The following ATP7A variants were observed in gnomAD, a reference collection of about 807,000 sequenced individuals.
ATP7A encodes the protein ATPase copper transporting alpha.
Under a neutral mutation model 83.5 loss-of-function variants are expected in ATP7A, and 7 were observed. The observed-to-expected ratio is 0.08, with a 90% CI of 0.05 to 0.16. The LOEUF is 0.16. Ranked by LOEUF, ATP7A falls within the 10% of genes least tolerant of loss-of-function variation. The probability of loss-of-function intolerance (pLI) is 1.00; values close to 1 mark genes in which losing one functional copy is unlikely to be tolerated. For missense variants in ATP7A, 940 were observed against 1,120.8 expected, an observed-to-expected ratio of 0.84 and a Z score of 2.30; for synonymous variants, 354 against 395.2, an observed-to-expected ratio of 0.90 and a Z score of 1.24.
At chrX:77,962,909 C>T (rs1273419319) in intron 1 of ATP7A, 3 of 334,510 alleles carry the variant, frequency 9.0e-6, no homozygotes, top group Non-Finnish European at 1.8e-5. Flanking sequence ...GCATACTTAG[C>T]TCTTTGATAG....
chrX:78,045,504 C>G lies in ATP7A; in HGVS notation c.4158C>G (p.Pro1386=). 1 of 1,211,566 alleles carries G rather than the reference C, an allele frequency of 8.3e-7. No individual in the cohort carries two copies. The highest frequency in any genetic ancestry group is 1.1e-6 in the Non-Finnish European group (1 of 895,419). ...VFMPIGLVLQ[P]WMGSAAMAAS... is the part of the protein sequence containing the mutation. ...TGCCCATTGGTTTGGTTTTGCAGCC[C>G]TGGATGGGATCTGCAGCAATGGCTG... The change falls in exon 22 of 23, where the codon CCC becomes CCG. Residue 1386 remains proline (P), a synonymous_variant. Transcript: ENST00000341514.
intron 1 of ATP7A, among the ~76,000 whole-genome samples, chrX:77,917,770 C>T (rs1231557320): frequency 8.9e-6 from 1 of 111,948 alleles, no homozygotes; most frequent in East Asian, 2.8e-4. Context: ...CAATGGTTGG[C>T]TTAGGTTATG....
intron 1 of ATP7A, among the ~76,000 whole-genome samples, chrX:77,958,972 G>A (rs782209971): frequency 7.3e-5 from 8 of 108,889 alleles, no homozygotes; most frequent in Non-Finnish European, 1.5e-4. Context: ...ATTTTTAGTA[G>A]CGATAGGGTT....
At position 78,050,275 on chromosome X, in the gene ATP7A, T is replaced by C. The variant is rs1300952888; in HGVS notation, c.*3705T>C. On this transcript the variant is annotated 3_prime_UTR_variant, in exon 23 of 23. Coordinates refer to ENST00000341514, the MANE Select transcript of ATP7A (RefSeq NM_000052.7). ...GTACCGAAAACAGCAGTGGACGATG[T>C]TGTGCAATATCCATCTACTGTAGTT... 4.4e-5 allele frequency: 5 copies of C among 112,470 alleles called. No homozygotes were observed. The highest frequency in any genetic ancestry group is 9.4e-5 in the Non-Finnish European group (5 of 53,237). The allele number at this position is 112,470 out of a possible 1,213,427, so 9.3% of individuals were successfully genotyped here.
At chrX:78,020,002 C>CT (rs2077894359) in intron 12 of ATP7A, among the ~76,000 whole-genome samples, 1 of 112,010 alleles carries the variant, frequency 8.9e-6, no homozygotes, top group Non-Finnish European at 1.9e-5. Flanking sequence ...TGTTCTAGGA[C>CT]TAGGGTGAAA....
chrX:77,913,657 T>G (rs1319063318), intron 1 of ATP7A, among the ~76,000 whole-genome samples: 1 of 112,422 alleles, frequency 8.9e-6, no homozygotes, highest in Non-Finnish European at 1.9e-5. Context: ...TTCTTACTTT[T>G]TCCAGCACTG....
intron 5 of ATP7A, among the ~76,000 whole-genome samples, chrX:78,002,573 G>A (rs1479944953): frequency 9.0e-6 from 1 of 111,080 alleles, no homozygotes; most frequent in Non-Finnish European, 1.9e-5. Context: ...TGATATTGAA[G>A]AATTATTTTA....
At chrX:77,941,562 G>A (rs971638619) in intron 1 of ATP7A, among the ~76,000 whole-genome samples, 2 of 111,541 alleles carry the variant, frequency 1.8e-5, no homozygotes, top group African/African-American at 6.5e-5. Context: ...GATACAAGGT[G>A]TAAAAGATAT....
intron 1 of ATP7A, among the ~76,000 whole-genome samples, chrX:77,930,965 CTCTG>C (rs1235403748): frequency 9.7e-6 from 1 of 102,603 alleles, no homozygotes; most frequent in African/African-American, 3.5e-5. Flanking sequence ...TCATTCTTAA[CTCTG>C]TCTTTTAGGA....
chrX:78,010,274 T>C (rs963019135), intron 7 of ATP7A, among the ~76,000 whole-genome samples: 2 of 112,064 alleles, frequency 1.8e-5, no homozygotes, highest in Non-Finnish European at 3.8e-5. Context: ...CAAAGTCACA[T>C]AGCTAATAAC....
intron 1 of ATP7A, chrX:77,969,117 C>T: frequency 8.3e-7 from 1 of 1,211,649 alleles, no homozygotes; most frequent in South Asian, 1.8e-5. Context: ...CCTCCTTGAT[C>T]TGGGGAACTA....
chrX:78,038,996 T>C lies in ATP7A; in HGVS notation c.3658+14T>C. The stretch of plus-strand genomic sequence containing the variant: ...TAGCAGTTGATGGTAAGGTTTTCCA[T>C]AAGTATGCTATAACTCAATGTTTTG... On this transcript the variant is annotated intron_variant, in intron 18 of 22. Transcript: ENST00000341514. 2.5e-6 allele frequency: 3 copies of C among 1,205,430 alleles called. No individual in the cohort carries two copies. The highest frequency in any genetic ancestry group is 1.7e-5 in the African/African-American group (1 of 57,787).
At chrX:78,035,656 G>A (rs1166574069) in intron 17 of ATP7A, among the ~76,000 whole-genome samples, 8 of 111,055 alleles carry the variant, frequency 7.2e-5, no homozygotes, top group African/African-American at 2.3e-4. Flanking sequence ...TTCCACTACC[G>A]CATATGTACT....
At position 77,959,390 on chromosome X, in the gene ATP7A, A is replaced by C. The variant is rs144374274; in HGVS notation, c.-21-12231A>C. Among the ~76,000 whole-genome samples, 3 of 111,609 alleles carry C rather than the reference A, an allele frequency of 2.7e-5. No homozygotes were observed. In the East Asian group the frequency reaches 8.4e-4, roughly 31 times the overall value. On this transcript the variant is annotated intron_variant, in intron 1 of 22. Coordinates refer to ENST00000341514, the MANE Select transcript of ATP7A (RefSeq NM_000052.7). ...TTTTTTTCTAAACTATGTTAATGGG[A>C]TTTATCCCTGTTGCTACTTGCAGCT...
At chrX:77,988,080 T>G (rs187632802) in intron 2 of ATP7A, among the ~76,000 whole-genome samples, 162 bp from the exon 3 acceptor site, 150 of 111,860 alleles carry the variant, frequency 1.3e-3, no homozygotes, top group African/African-American at 4.7e-3. Context: ...CACAAGACAT[T>G]TTATGTTTCT....
rs1557231656 is a variant in ATP7A at position 77,988,677 on chromosome X, A to C, written c.556A>C (p.Thr186Pro). 1.7e-6 allele frequency: 2 copies of C among 1,211,279 alleles called. No homozygotes were observed. The highest frequency in any genetic ancestry group is 2.2e-6 in the Non-Finnish European group (2 of 895,120). ...GGAAGGGATGACCTGCCATTCATGTACTAGCACTATTGAAGGAAAAATTGG... is the reference window on the plus strand; with the variant it reads ...GGAAGGGATGACCTGCCATTCATGTCCTAGCACTATTGAAGGAAAAATTGG... ...KVEGMTCHSCTSTIEGKIGKL... is the reference protein window; with the variant it reads ...KVEGMTCHSCPSTIEGKIGKL... Residue 186 changes from threonine (T) to proline (P), a missense_variant, in exon 3 of 23, where the codon ACT becomes CCT. Coordinates refer to ENST00000341514, the MANE Select transcript of ATP7A (RefSeq NM_000052.7).
chrX:77,950,393 T>A (rs1388146218), intron 1 of ATP7A, among the ~76,000 whole-genome samples: 1 of 111,620 alleles, frequency 9.0e-6, no homozygotes, highest in Admixed American at 9.6e-5. Flanking sequence ...GTTTGAATGC[T>A]GGGTAGCCAA....
chrX:78,027,634 G>A (rs895018257), intron 14 of ATP7A, among the ~76,000 whole-genome samples: 1 of 111,926 alleles, frequency 8.9e-6, no homozygotes, highest in Admixed American at 9.5e-5. Flanking sequence ...AATAGCCAAA[G>A]CCATCCTAAG....
rs970061743 is a variant in ATP7A, at chrX:77,940,144, C to T, written c.-22+29309C>T. Among the ~76,000 whole-genome samples the T allele has an allele frequency of 6.3e-5, 7 of 110,789 alleles. No homozygotes were observed. The South Asian group carries it at 2.6e-3, about 41-fold the overall frequency. ...CAAAAAAATGCATTAAAATGTACAA[C>T]AATTTTAAAAAGTAACATTGTACCT... On this transcript the variant is annotated intron_variant, in intron 1 of 22. Transcript: ENST00000341514.
Sources: gnomAD v4.1 joint callset for allele counts (sites outside exome capture counted in the v4.1 genomes callset) on GRCh38, gnomAD v4.1.1 for gene constraint, MANE v1.5 for transcripts, NCBI Gene and HGNC (gene_info 2026-07-23, HGNC 2026-07-21) for gene names.